PABPC4L: variants seen among roughly 807,000 people sequenced by gnomAD.
The protein encoded by PABPC4L is poly(A) binding protein cytoplasmic 4 like, also known as polyadenylate-binding protein 4-like.
For synonymous variants in PABPC4L, 169 were observed against 164.1 expected (o/e 1.03, Z -0.23); for missense variants, 452 against 451.4 (o/e 1.00, Z -0.01).
chr4:134,088,687 A>G, the PABPC4L span, among the ~76,000 whole-genome samples: 2 of 152,046 alleles, frequency 1.3e-5, no homozygotes, highest in East Asian at 3.9e-4. Flanking sequence ...GTAAAGACCA[A>G]GTTCTCACCA....
At chr4:134,112,153 C>A in the PABPC4L span, among the ~76,000 whole-genome samples, 31,833 of 151,732 alleles carry the variant, frequency 0.21, 4,146 homozygotes, top group Non-Finnish European at 0.27. Context: ...AACAACAGGT[C>A]ACATTATTTA....
chr4:134,177,028 G>A, the PABPC4L span, among the ~76,000 whole-genome samples: 3,403 of 152,030 alleles, frequency 0.022, 124 homozygotes, highest in African/African-American at 0.077. Flanking sequence ...TTGTTGCACC[G>A]CCCTTTCCGG....
the PABPC4L span, among the ~76,000 whole-genome samples, chr4:134,064,089 G>A: frequency 6.6e-6 from 1 of 151,856 alleles, no homozygotes; most frequent in Admixed American, 6.6e-5. Context: ...TGAACATGCA[G>A]AACTTATTCT....
chr4:133,957,808 CA>C, the PABPC4L span, among the ~76,000 whole-genome samples: 1 of 152,328 alleles, frequency 6.6e-6, no homozygotes, highest in East Asian at 1.9e-4. Context: ...TTGGGGTTTG[CA>C]TCTTCTGAAT....
At chr4:134,125,362 G>T in the PABPC4L span, among the ~76,000 whole-genome samples, 2 of 151,684 alleles carry the variant, frequency 1.3e-5, no homozygotes, top group African/African-American at 4.8e-5. Flanking sequence ...TGCACAAAGT[G>T]CAGGTTAGTT....
the PABPC4L span, among the ~76,000 whole-genome samples, chr4:134,185,887 C>G: frequency 3.3e-5 from 5 of 152,032 alleles, no homozygotes; most frequent in Non-Finnish European, 1.5e-5. Context: ...TCCTATACAC[C>G]AATAACAAAC....
the PABPC4L span, among the ~76,000 whole-genome samples, chr4:134,059,697 T>C: frequency 6.6e-6 from 1 of 151,826 alleles, no homozygotes; most frequent in Admixed American, 6.6e-5. Context: ...GTTGGCAATA[T>C]TCAGGAAGTC....
the PABPC4L span, among the ~76,000 whole-genome samples, chr4:134,181,573 A>G: frequency 1.3e-5 from 2 of 151,950 alleles, no homozygotes; most frequent in African/African-American, 2.4e-5. Flanking sequence ...AGAGAAAAAG[A>G]CAAACTATCC....
chr4:134,125,456 A>G, the PABPC4L span, among the ~76,000 whole-genome samples: 376 of 152,250 alleles, frequency 2.5e-3, 2 homozygotes, highest in African/African-American at 8.4e-3. Context: ...GGCAGTCTGA[A>G]TTCTTCTGTA....
the PABPC4L span, among the ~76,000 whole-genome samples, chr4:134,045,922 C>A: frequency 6.6e-6 from 1 of 152,188 alleles, no homozygotes; most frequent in African/African-American, 2.4e-5. Context: ...ATCCAAGTTA[C>A]CCCATTACCA....
At chr4:134,014,458 A>G in the PABPC4L span, among the ~76,000 whole-genome samples, 8 of 152,218 alleles carry the variant, frequency 5.3e-5, no homozygotes, top group African/African-American at 1.2e-4. Context: ...AGTGCCAGAA[A>G]TCTGGCCACC....
At chr4:134,094,044 C>G in the PABPC4L span, among the ~76,000 whole-genome samples, 1 of 151,806 alleles carries the variant, frequency 6.6e-6, no homozygotes, top group African/African-American at 2.4e-5. Context: ...TATGAGAAGT[C>G]CATCTCTAAA....
At chr4:134,112,632 A>G in the PABPC4L span, among the ~76,000 whole-genome samples, 3 of 151,334 alleles carry the variant, frequency 2.0e-5, no homozygotes, top group Non-Finnish European at 2.9e-5. Flanking sequence ...CTATCTATAT[A>G]TCATCTATCT....
the PABPC4L span, among the ~76,000 whole-genome samples, chr4:134,091,260 T>C: frequency 6.6e-6 from 1 of 151,970 alleles, no homozygotes; most frequent in Non-Finnish European, 1.5e-5. Flanking sequence ...ACTTAACTTT[T>C]ATTGCCACTG....
At chr4:134,185,181 G>T in the PABPC4L span, among the ~76,000 whole-genome samples, 1 of 151,706 alleles carries the variant, frequency 6.6e-6, no homozygotes, top group East Asian at 1.9e-4. Context: ...TACTTTGCAC[G>T]AATTGTGTCT....
the PABPC4L span, among the ~76,000 whole-genome samples, chr4:134,150,861 A>C: frequency 2.0e-5 from 3 of 152,214 alleles, no homozygotes; most frequent in Non-Finnish European, 2.9e-5. Flanking sequence ...TTTTTATGCC[A>C]GTATAAACTC....
chr4:134,051,893 T>C, the PABPC4L span, among the ~76,000 whole-genome samples: 1 of 152,124 alleles, frequency 6.6e-6, no homozygotes, highest in African/African-American at 2.4e-5. Context: ...TATATAGTCA[T>C]AAACTGAGCC....
the PABPC4L span, among the ~76,000 whole-genome samples, chr4:134,022,347 T>A: frequency 6.6e-6 from 1 of 152,060 alleles, no homozygotes; most frequent in Non-Finnish European, 1.5e-5. Context: ...ATCCCCAAAA[T>A]CTTCAGTGAT....
the PABPC4L span, among the ~76,000 whole-genome samples, chr4:133,970,789 A>G: frequency 6.6e-6 from 1 of 152,134 alleles, no homozygotes; most frequent in Non-Finnish European, 1.5e-5. Flanking sequence ...AAGGACCAAG[A>G]GAACTCTCTC....
Sources: allele counts gnomAD v4.1 joint callset (sites outside exome capture counted in the v4.1 genomes callset), GRCh38; gene constraint gnomAD v4.1.1; transcripts MANE v1.5; gene names NCBI Gene and HGNC (gene_info 2026-07-23, HGNC 2026-07-21).